TMEM132B: variants seen among roughly 807,000 people sequenced by gnomAD.
The protein encoded by TMEM132B is transmembrane protein 132B.
In TMEM132B, 18 loss-of-function variants were observed where a neutral mutation model predicts 90.8. The observed-to-expected ratio is 0.20, with a 90% CI of 0.14 to 0.29. The LOEUF is 0.29. Among genes scored for constraint, TMEM132B ranks in the 10% least tolerant of loss-of-function variants. The pLI is 1.00. For missense variants in TMEM132B, 1,096 were observed against 1,326.8 expected (o/e 0.83, Z 2.70); for synonymous variants, 504 against 523.3 (o/e 0.96, Z 0.50).
At chr12:125,613,325 C>T (rs1051972993) in intron 5 of TMEM132B, among the ~76,000 whole-genome samples, 1 of 147,548 alleles carries the variant, frequency 6.8e-6, no homozygotes, top group Middle Eastern at 3.3e-3. Flanking sequence ...AATGGGATAT[C>T]CACAACCGAA....
At chr12:125,607,037 TCC>T (rs1885713382) in intron 5 of TMEM132B, among the ~76,000 whole-genome samples, 1 of 151,872 alleles carries the variant, frequency 6.6e-6, no homozygotes, top group Non-Finnish European at 1.5e-5. Flanking sequence ...CACCCGGGAG[TCC>T]CACTGCAGAG....
chr12:125,203,305 G>A (rs1873107947), intron 1 of TMEM132B, among the ~76,000 whole-genome samples: 1 of 152,136 alleles, frequency 6.6e-6, no homozygotes, highest in Admixed American at 6.5e-5. Context: ...CTTATGGTTG[G>A]AAAGCTGAAT....
At chr12:125,622,741 C>G (rs1886141113) in intron 5 of TMEM132B, 1 of 825,742 alleles carries the variant, frequency 1.2e-6, no homozygotes. Flanking sequence ...CATTCTGGAG[C>G]AAGTGGTGGG....
chr12:125,561,985 T>C (rs1027271151), intron 4 of TMEM132B, among the ~76,000 whole-genome samples: 4 of 152,204 alleles, frequency 2.6e-5, no homozygotes, highest in African/African-American at 7.2e-5. Flanking sequence ...CGATCCTAGA[T>C]AGTATCTTCT....
At chr12:125,326,221 C>T (rs9634137) in intron 1 of TMEM132B, among the ~76,000 whole-genome samples, 56,784 of 152,034 alleles carry the variant, frequency 0.37, 10,759 homozygotes, top group African/African-American at 0.43. Context: ...ACTGGAGAGG[C>T]GACCAACAAA....
chr12:125,283,730 T>G (rs576347104), intron 1 of TMEM132B, among the ~76,000 whole-genome samples: 1 of 152,234 alleles, frequency 6.6e-6, no homozygotes, highest in Non-Finnish European at 1.5e-5. Context: ...GGCAGATGCA[T>G]TCCAGTGCAT....
intron 1 of TMEM132B, among the ~76,000 whole-genome samples, chr12:125,290,542 C>CT (rs1391502595): frequency 7.2e-5 from 11 of 152,178 alleles, no homozygotes; most frequent in Non-Finnish European, 1.5e-4. Context: ...TGTTTAAAAA[C>CT]TTTATATAAA....
At chr12:125,320,522 G>C (rs2136189494) in intron 1 of TMEM132B, among the ~76,000 whole-genome samples, 1 of 152,254 alleles carries the variant, frequency 6.6e-6, no homozygotes, top group Non-Finnish European at 1.5e-5. Flanking sequence ...AGGACATTAG[G>C]GGTTCCTGGT....
chr12:125,654,462 C>A lies in TMEM132B; in HGVS notation c.3004C>A (p.Leu1002Ile), dbSNP rs765024958. 4.3e-6 allele frequency: 7 copies of A among 1,613,758 alleles called. No homozygotes were observed. The highest frequency in any genetic ancestry group is 5.9e-6 in the Non-Finnish European group (7 of 1,180,010). ...GSSQKTFHSQ[L>I]LRPSDYVYEK... ...TTCCCAGAAGACTTTTCATAGTCAA[C>A]TACTCAGACCCTCTGACTATGTCTA... Residue 1002 changes from leucine (L) to isoleucine (I), a missense_variant, in exon 9 of 9, where the codon CTA (leucine) becomes ATA (isoleucine). Transcript: ENST00000682704. The surrounding 1 kb of genome is among the most constrained non-coding windows in gnomAD (Gnocchi z 5.8).
chr12:125,557,351 G>A (rs1245918304), intron 4 of TMEM132B, among the ~76,000 whole-genome samples: 2 of 152,164 alleles, frequency 1.3e-5, no homozygotes, highest in East Asian at 3.9e-4. Context: ...CATCTCTTGG[G>A]GTTGCTATAG....
At chr12:125,325,668 CCTGTGT>C (rs368867164) in intron 1 of TMEM132B, among the ~76,000 whole-genome samples, 16,151 of 139,150 alleles carry the variant, frequency 0.12, 1,065 homozygotes, top group East Asian at 0.31. Flanking sequence ...TGCCTCCCAC[CCTGTGT>C]GTGTGTGTGT....
rs35950577 is a variant in TMEM132B, at chr12:125,278,477, C to CTTTTT, written c.68-70963_68-70959dup. 3.5e-3 allele frequency among the ~76,000 whole-genome samples: 502 copies of CTTTTT among 141,510 alleles called. 3 individuals are homozygous for CTTTTT. The highest frequency in any genetic ancestry group is 5.3e-3 in the African/African-American group (206 of 38,642). The allele number at this position is 141,510 out of a possible 152,430, so 92.8% of individuals were successfully genotyped here. A position where few individuals can be genotyped will look rare whatever the true frequency, so the allele number is the denominator to read the frequency against. ...CCATGTCAAAAATGGGAATCTCCAT[C>CTTTTT]TTTTTTTTTTTTTTTTAAGATAAAT... On this transcript the variant is annotated intron_variant, in intron 1 of 8. Transcript: ENST00000682704.
chr12:125,308,409 G>A (rs1268557816), intron 1 of TMEM132B, among the ~76,000 whole-genome samples: 1 of 151,962 alleles, frequency 6.6e-6, no homozygotes, highest in Non-Finnish European at 1.5e-5. Context: ...GGACATCTAA[G>A]CTGTCTCCAA....
intron 1 of TMEM132B, among the ~76,000 whole-genome samples, chr12:125,283,663 G>T (rs1875264050): frequency 6.6e-6 from 1 of 152,226 alleles, no homozygotes; most frequent in Non-Finnish European, 1.5e-5. Flanking sequence ...CAACAATTTA[G>T]CCTCCGAGTA....
At position 125,643,209 on chromosome 12, in the gene TMEM132B, G is replaced by C. The variant is rs1293858524; in HGVS notation, c.1438-867G>C. Among the ~76,000 whole-genome samples, 11 of 152,276 alleles carry C rather than the reference G, an allele frequency of 7.2e-5. No individual in the cohort carries two copies. The South Asian group carries it at 2.3e-3, about 32-fold the overall frequency. On this transcript the variant is annotated intron_variant, in intron 5 of 8. Coordinates refer to ENST00000682704, the MANE Select transcript of TMEM132B (RefSeq NM_001366854.1). ...TGGTGGCCCCACTGGTTGAGGTGGG[G>C]GCCCTGCCAGCAGCACAGGCTTGAC...
chr12:125,300,515 A>T (rs1875794845), intron 1 of TMEM132B, among the ~76,000 whole-genome samples: 1 of 152,074 alleles, frequency 6.6e-6, no homozygotes, highest in African/African-American at 2.4e-5. Flanking sequence ...TGTCACTGCA[A>T]CCCTGCGCCC....
chr12:125,244,383 G>A (rs1240377621), intron 1 of TMEM132B, among the ~76,000 whole-genome samples: 2 of 152,194 alleles, frequency 1.3e-5, no homozygotes, highest in African/African-American at 2.4e-5. Flanking sequence ...GCATGACCGC[G>A]CTATGGGGAG....
intron 5 of TMEM132B, among the ~76,000 whole-genome samples, chr12:125,591,018 C>T (rs752346368): frequency 6.6e-5 from 10 of 151,078 alleles, no homozygotes; most frequent in African/African-American, 1.5e-4. Flanking sequence ...CATGCACGCC[C>T]GCGTGTGTGT....
At chr12:125,531,765 T>C (rs555169569) in intron 4 of TMEM132B, among the ~76,000 whole-genome samples, 2 of 152,364 alleles carry the variant, frequency 1.3e-5, no homozygotes, top group East Asian at 3.9e-4. Flanking sequence ...AAAGGACTAA[T>C]TTTAAATTGT....
Sources: allele counts gnomAD v4.1 joint callset (sites outside exome capture counted in the v4.1 genomes callset), GRCh38; gene constraint gnomAD v4.1.1; non-coding constraint Gnocchi (gnomAD v3.1); transcripts MANE v1.5; gene names NCBI Gene and HGNC (gene_info 2026-07-23, HGNC 2026-07-21).